DLC1: variants seen among roughly 807,000 people sequenced by gnomAD.
The protein encoded by DLC1 is DLC1 Rho GTPase activating protein, also known as rho GTPase-activating protein 7.
In DLC1, 54 loss-of-function variants were observed where a neutral mutation model predicts 140.3. The ratio of observed to expected loss-of-function variants is 0.38; its 90% CI spans 0.31 to 0.48. The LOEUF (loss-of-function observed/expected upper bound fraction) is 0.48, where lower values mean the gene tolerates loss of function less well. Ranked by LOEUF, DLC1 falls within the 20% of genes least tolerant of loss-of-function variation. The probability of loss-of-function intolerance (pLI) is 0.96; values close to 1 mark genes in which losing one functional copy is unlikely to be tolerated. For missense variants in DLC1, 2,536 were observed against 1,907.0 expected, an observed-to-expected ratio of 1.33 and a Z score of -6.14; for synonymous variants, 986 against 728.1, an observed-to-expected ratio of 1.35 and a Z score of -5.70.
At position 13,392,926 on chromosome 8, in the gene DLC1, C is replaced by G. The variant is rs184295398; in HGVS notation, c.1314+627G>C. ...TACTTATTCTGCACTGATCATTTCA[C>G]TAAGCACTTTTTATATGTGCTCTTT... On this transcript the variant is annotated intron_variant, in intron 4 of 17. Coordinates refer to ENST00000276297, the MANE Select transcript of DLC1 (RefSeq NM_182643.3). 7.2e-5 allele frequency among the ~76,000 whole-genome samples: 11 copies of G among 152,282 alleles called. No individual in the cohort carries two copies. In the East Asian group the frequency reaches 1.9e-3, roughly 27 times the overall value.
chr8:13,168,466 T>G (rs1825244627), intron 5 of DLC1, among the ~76,000 whole-genome samples: 1 of 152,224 alleles, frequency 6.6e-6, no homozygotes, highest in Non-Finnish European at 1.5e-5. Flanking sequence ...TGGTGCTATT[T>G]CCATTATTCC....
chr8:13,593,810 A>G (rs7828829), intron 1 of DLC1, among the ~76,000 whole-genome samples: 48,837 of 151,940 alleles, frequency 0.32, 8,726 homozygotes, highest in African/African-American at 0.48. Flanking sequence ...TCAATTTCGC[A>G]CATCCTTGAG....
intron 1 of DLC1, among the ~76,000 whole-genome samples, chr8:13,528,998 C>G (rs1803007982): frequency 1.3e-5 from 2 of 152,128 alleles, no homozygotes; most frequent in Admixed American, 1.3e-4. Flanking sequence ...ATAGCTATGC[C>G]AAGACGATTA....
rs902818026 is a variant in DLC1 at position 13,552,807 on chromosome 8, C to T, written c.-126+51730G>A. On this transcript the variant is annotated intron_variant, in intron 1 of 1. Transcript: ENST00000631382. ...AAACTCACATGTATTGTCATATTCT[C>T]TTATTAAAAGAAAGTACAAAGTCTA... is the stretch of plus-strand genomic sequence containing the variant. Among the ~76,000 whole-genome samples, 2 of 151,610 alleles carry T rather than the reference C, an allele frequency of 1.3e-5. 1 individual carries two copies. Among genetic ancestry groups the T allele is most frequent in the Non-Finnish European group, 2.9e-5 (2 of 67,816 alleles).
At chr8:13,503,916 C>T (rs11989014) in intron 1 of DLC1, among the ~76,000 whole-genome samples, 3,503 of 152,180 alleles carry the variant, frequency 0.023, 148 homozygotes, top group African/African-American at 0.08. Context: ...GCCTCCAGAA[C>T]GTTCAAGTCA....
intron 4 of DLC1, among the ~76,000 whole-genome samples, chr8:13,348,520 A>C (rs1834477820): frequency 1.3e-5 from 2 of 152,228 alleles, no homozygotes; most frequent in South Asian, 2.1e-4. Context: ...GATACCAGTT[A>C]GAAGGTTGTT....
intron 5 of DLC1, among the ~76,000 whole-genome samples, chr8:13,236,976 C>G (rs753984682): frequency 6.6e-6 from 1 of 151,956 alleles, no homozygotes; most frequent in African/African-American, 2.4e-5. Flanking sequence ...TGAACCTTTT[C>G]AGATTACAAA....
intron 5 of DLC1, among the ~76,000 whole-genome samples, chr8:13,256,165 T>C (rs1325930164): frequency 1.3e-5 from 2 of 152,122 alleles, no homozygotes; most frequent in Non-Finnish European, 2.9e-5. Context: ...ATGAATGAAA[T>C]AAATATATGG....
chr8:13,282,499 TA>T (rs1048070346), intron 5 of DLC1, among the ~76,000 whole-genome samples: 2 of 152,168 alleles, frequency 1.3e-5, no homozygotes, highest in Non-Finnish European at 2.9e-5. Context: ...AAAAATAATG[TA>T]AAAAATCTAT....
chr8:13,265,772 C>G (rs1830662799), intron 5 of DLC1, among the ~76,000 whole-genome samples: 1 of 150,982 alleles, frequency 6.6e-6, no homozygotes, highest in Non-Finnish European at 1.5e-5. Flanking sequence ...TCATTCCTTC[C>G]TTCCTTGTTA....
Position 13,099,676 on chromosome 8 carries a change from G to C in DLC1, c.2661C>G (p.Leu887=), listed in dbSNP as rs750946129. The C allele has an allele frequency of 1.9e-6, 3 of 1,614,078 alleles. No homozygotes were observed. The highest frequency in any genetic ancestry group is 2.5e-6 in the Non-Finnish European group (3 of 1,180,042). ...SIYDNVPGSI[L]YSSSGDLADL... ...CCGCCAGGTCCCCTGAACTGGAGTA[G>C]AGGATGGAGCCCGGCACGTTGTCGT... Residue 887 remains leucine, a synonymous_variant, in exon 9 of 18, where the codon CTC becomes CTG. Transcript: ENST00000276297.
intron 2 of DLC1, among the ~76,000 whole-genome samples, chr8:13,421,505 G>C (rs761856595): frequency 1.3e-5 from 2 of 152,148 alleles, no homozygotes; most frequent in Non-Finnish European, 2.9e-5. Flanking sequence ...AGTTCCTACG[G>C]AAAAAGCATA....
At chr8:13,195,645 C>A (rs1207872103) in intron 5 of DLC1, among the ~76,000 whole-genome samples, 1 of 152,020 alleles carries the variant, frequency 6.6e-6, no homozygotes, top group Admixed American at 6.6e-5. Context: ...TTAAATATTG[C>A]CAATAGGTAG....
intron 1 of DLC1, among the ~76,000 whole-genome samples, chr8:13,510,728 C>T (rs918715924): frequency 6.6e-6 from 1 of 152,128 alleles, no homozygotes; most frequent in Admixed American, 6.5e-5. Context: ...GCTCTGTTCT[C>T]ACTGGCCTCA....
chr8:13,422,898 A>G (rs568338963), intron 2 of DLC1, among the ~76,000 whole-genome samples: 1 of 152,268 alleles, frequency 6.6e-6, no homozygotes, highest in Non-Finnish European at 1.5e-5. Context: ...GGTCAGCTTC[A>G]TAGAGAAGAC....
chr8:13,285,069 C>T (rs187057090), intron 5 of DLC1, among the ~76,000 whole-genome samples: 5 of 151,972 alleles, frequency 3.3e-5, no homozygotes, highest in African/African-American at 9.7e-5. Context: ...CCTAAAGGAG[C>T]CAAAACAATT....
chr8:13,556,914 A>C (rs1399310955), intron 1 of DLC1, among the ~76,000 whole-genome samples: 1 of 152,252 alleles, frequency 6.6e-6, no homozygotes, highest in Admixed American at 6.5e-5. Flanking sequence ...TTAGTGGAGA[A>C]GACAGACTTT....
chr8:13,427,836 T>TA (rs1432537115), intron 2 of DLC1, among the ~76,000 whole-genome samples: 2 of 152,246 alleles, frequency 1.3e-5, no homozygotes, highest in African/African-American at 4.8e-5. Context: ...CTCATTTCTT[T>TA]ATTAGACTGA....
intron 5 of DLC1, among the ~76,000 whole-genome samples, chr8:13,178,657 T>C (rs1307440328): frequency 6.6e-6 from 1 of 151,682 alleles, no homozygotes; most frequent in Admixed American, 6.6e-5. Flanking sequence ...GAAGGTTTTT[T>C]TTTTTGCAAA....
Sources: gnomAD v4.1 joint callset for allele counts (sites outside exome capture counted in the v4.1 genomes callset) on GRCh38, gnomAD v4.1.1 for gene constraint, MANE v1.5 for transcripts, NCBI Gene and HGNC (gene_info 2026-07-23, HGNC 2026-07-21) for gene names.